CEP126: variants seen among roughly 807,000 people sequenced by gnomAD.
CEP126 encodes centrosomal protein of 126 kDa.
A neutral mutation model predicts 107.8 loss-of-function variants in CEP126; 74 were observed. The observed-to-expected ratio is 0.69, with a 90% CI of 0.57 to 0.83. CEP126 has a LOEUF of 0.83. Ranked by LOEUF, CEP126 falls within the 40% of genes least tolerant of loss-of-function variation. The probability of loss-of-function intolerance (pLI) is 0.00; values close to 1 mark genes in which losing one functional copy is unlikely to be tolerated. For synonymous variants in CEP126, 449 were observed against 446.0 expected (o/e 1.01, Z -0.08); for missense variants, 1,237 against 1,281.9 (o/e 0.96, Z 0.53).
chr11:101,917,839 C>T (rs1244564986), intron 1 of CEP126, among the ~76,000 whole-genome samples: 1 of 152,170 alleles, frequency 6.6e-6, no homozygotes, highest in Non-Finnish European at 1.5e-5. Flanking sequence ...AGTCCTGCTC[C>T]TTTACTCCTT....
At position 101,962,185 on chromosome 11, in the gene CEP126, G is replaced by A; in HGVS notation, c.1150G>A (p.Glu384Lys). Residue 384 changes from glutamate (E) to lysine (K), a missense_variant, in exon 6 of 11, where the codon GAA becomes AAA. Glu to Lys is a moderately conservative substitution (Grantham distance 56). Coordinates refer to ENST00000263468, the MANE Select transcript of CEP126 (RefSeq NM_020802.4). ...PPMFVLDKKC[E>K]KTSETSTMRT... The stretch of plus-strand genomic sequence containing the variant: ...CATGTTTGTACTAGATAAAAAATGT[G>A]AAAAGACCTCTGAAACTAGCACTAT... The A allele has an allele frequency of 6.2e-7, 1 of 1,613,742 alleles. No homozygotes were observed. The highest frequency in any genetic ancestry group is 8.5e-7 in the Non-Finnish European group (1 of 1,179,816).
At chr11:101,955,993 A>G (rs949503883) in intron 4 of CEP126, 5 of 456,230 alleles carry the variant, frequency 1.1e-5, no homozygotes, top group Non-Finnish European at 2.2e-5. Context: ...CACCAGTCCC[A>G]TTACTGCCTT....
At chr11:101,956,262 C>T (rs373328405) in intron 4 of CEP126, 1 of 456,484 alleles carries the variant, frequency 2.2e-6, no homozygotes, top group Non-Finnish European at 4.4e-6. Context: ...TCCCTTCCAG[C>T]TCCACTGGTT....
intron 6 of CEP126, among the ~76,000 whole-genome samples, chr11:101,965,297 T>C (rs2137115247): frequency 6.6e-6 from 1 of 152,280 alleles, no homozygotes; most frequent in African/African-American, 2.4e-5. Flanking sequence ...TATTGATATA[T>C]AATGAGAGTT....
At chr11:101,921,731 TAATG>T (rs1338438443) in intron 1 of CEP126, among the ~76,000 whole-genome samples, 1 of 145,868 alleles carries the variant, frequency 6.9e-6, no homozygotes, top group Non-Finnish European at 1.5e-5. Context: ...AAAAACTGTG[TAATG>T]AATGAAGATA....
At position 101,922,675 on chromosome 11, in the gene CEP126, G is replaced by C. The variant is rs769156565; in HGVS notation, c.163G>C (p.Glu55Gln). Reference sequence around the variant, plus strand: ...AATCCATCTGGAGAAAAATTTAGAAGAAGAGCGCCAGATATTACTGCAGCA... The same window carrying C: ...AATCCATCTGGAGAAAAATTTAGAACAAGAGCGCCAGATATTACTGCAGCA... Reference protein sequence around the residue: ...MKIHLEKNLEEERQILLQQQK... With the variant: ...MKIHLEKNLEQERQILLQQQK... Residue 55 changes from glutamate (E) to glutamine (Q), a missense_variant, in exon 2 of 11, where the codon GAA (glutamate) becomes CAA (glutamine). Glu to Gln is a conservative substitution (Grantham distance 29). Coordinates refer to ENST00000263468, the MANE Select transcript of CEP126 (RefSeq NM_020802.4). 6.2e-7 allele frequency: 1 copy of C among 1,608,026 alleles called. No homozygotes were observed. The highest frequency in any genetic ancestry group is 1.3e-5 in the African/African-American group (1 of 74,764).
At chr11:101,995,087 T>C (rs532238040) in intron 10 of CEP126, among the ~76,000 whole-genome samples, 112 of 152,270 alleles carry the variant, frequency 7.4e-4, no homozygotes, top group Admixed American at 1.5e-3. Flanking sequence ...TGTGTTCTCA[T>C]TGTTCAACTC....
intron 4 of CEP126, 44 bp downstream of exon 4, chr11:101,948,186 TA>T: frequency 8.4e-7 from 1 of 1,191,548 alleles, no homozygotes; most frequent in East Asian, 2.4e-5. Flanking sequence ...ACAATAATTG[TA>T]TAACCATCTA....
intron 2 of CEP126, among the ~76,000 whole-genome samples, chr11:101,926,141 A>C (rs1461347021): frequency 6.6e-6 from 1 of 152,194 alleles, no homozygotes; most frequent in Non-Finnish European, 1.5e-5. Flanking sequence ...TAGTGAAGTA[A>C]TAAAAGATGG....
intron 6 of CEP126, among the ~76,000 whole-genome samples, chr11:101,973,278 C>G (rs1254408567): frequency 6.6e-6 from 1 of 152,120 alleles, no homozygotes; most frequent in African/African-American, 2.4e-5. Flanking sequence ...TTCAGTCATA[C>G]AGTATAAAAT....
At chr11:101,997,514 G>T in intron 10 of CEP126, 85 bp from the exon 11 acceptor site, 1 of 1,602,910 alleles carries the variant, frequency 6.2e-7, no homozygotes. Context: ...TGTTGAATAT[G>T]CCACTATTTG....
chr11:101,997,601 G>A lies in CEP126; in HGVS notation c.3312G>A (p.Glu1104=). 1 of 1,614,020 alleles carries A rather than the reference G, an allele frequency of 6.2e-7. No individual in the cohort carries two copies. Among genetic ancestry groups the A allele is most frequent in the Non-Finnish European group, 8.5e-7 (1 of 1,179,982 alleles). ...TGTTTCTTCTTTCTGATTTCCAGGA[G>A]AAGAGAGAAGATAGAACCAGCAGCT... ...KNTLQIIPLL[E]KREDRTSSCR... The change falls in exon 11 of 11, where the codon GAG becomes GAA. Residue 1104 remains glutamate, a splice_region_variant and synonymous_variant. Transcript: ENST00000263468.
Position 101,962,389 on chromosome 11 carries a change from A to G in CEP126, c.1354A>G (p.Ile452Val), listed in dbSNP as rs374333724. 1.2e-6 allele frequency: 2 copies of G among 1,613,814 alleles called. No individual in the cohort carries two copies. Among genetic ancestry groups the G allele is most frequent in the African/African-American group, 1.3e-5 (1 of 74,934 alleles). Residue 452 changes from isoleucine (I) to valine (V), a missense_variant, in exon 6 of 11, where the codon ATT becomes GTT. Ile to Val is a conservative substitution (Grantham distance 29). This residue lies in a region of CEP126 where 1,134 missense variants were observed against 1,150.5 expected (regional missense o/e 0.99). Coordinates refer to ENST00000263468, the MANE Select transcript of CEP126 (RefSeq NM_020802.4). Reference protein sequence around the residue: ...ELNQENGTTSIPTSCVPVATP... With the variant: ...ELNQENGTTSVPTSCVPVATP... ...AAATCAAGAAAATGGAACTACTTCA[A>G]TTCCTACTTCATGTGTACCAGTGGC...
At chr11:101,989,452 G>A (rs1379161962) in intron 9 of CEP126, among the ~76,000 whole-genome samples, 2 of 151,980 alleles carry the variant, frequency 1.3e-5, no homozygotes, top group Non-Finnish European at 2.9e-5. Flanking sequence ...AATATCCCCC[G>A]GGTGGCAAAA....
At chr11:101,946,300 G>A (rs1388090030) in intron 3 of CEP126, among the ~76,000 whole-genome samples, 2 of 151,602 alleles carry the variant, frequency 1.3e-5, no homozygotes, top group Non-Finnish European at 2.9e-5. Flanking sequence ...AAGAGCTGAC[G>A]AGTTCAAGAC....
intron 2 of CEP126, among the ~76,000 whole-genome samples, chr11:101,936,609 G>C (rs1405158623): frequency 6.6e-6 from 1 of 152,154 alleles, no homozygotes. Context: ...ATGGGGACTA[G>C]AAGTAGTATG....
At chr11:101,979,949 T>C (rs993877736) in intron 7 of CEP126, among the ~76,000 whole-genome samples, 10 of 152,150 alleles carry the variant, frequency 6.6e-5, no homozygotes, top group African/African-American at 2.2e-4. Flanking sequence ...TTAATAAAAC[T>C]GGAATATTTT....
Position 101,963,563 on chromosome 11 carries a change from T to C in CEP126, c.2528T>C (p.Val843Ala). 6.2e-7 allele frequency: 1 copy of C among 1,614,180 alleles called. No individual in the cohort carries two copies. The highest frequency in any genetic ancestry group is 1.1e-5 in the South Asian group (1 of 91,072). The change falls in exon 6 of 11, where the codon GTG becomes GCG. Residue 843 changes from valine (V) to alanine (A), a missense_variant. Coordinates refer to ENST00000263468, the MANE Select transcript of CEP126 (RefSeq NM_020802.4). ...ITHNSFNSKHVLPTEHSLNQW... is the reference protein window; with the variant it reads ...ITHNSFNSKHALPTEHSLNQW... The stretch of plus-strand genomic sequence containing the variant: ...CATAACTCTTTTAATTCAAAACATG[T>C]GCTTCCAACAGAACACAGTTTGAAT...
At chr11:101,997,497 C>T (rs1214176810) in intron 10 of CEP126, 102 bp from the exon 11 acceptor site, 1 of 1,573,706 alleles carries the variant, frequency 6.4e-7, no homozygotes, top group Non-Finnish European at 8.6e-7. Context: ...AGAATGATGT[C>T]AGGATGTGTT....
Sources: gnomAD v4.1 joint callset for allele counts (sites outside exome capture counted in the v4.1 genomes callset) on GRCh38, gnomAD v4.1.1 for gene constraint, gnomAD v4.1.1 regional missense constraint, MANE v1.5 for transcripts, NCBI Gene and HGNC (gene_info 2026-07-23, HGNC 2026-07-21) for gene names.